Variants in CLTCL1 observed in about 807,000 individuals in gnomAD.
CLTCL1 encodes the protein clathrin heavy chain like 1, also known as clathrin heavy chain 2.
In CLTCL1, 159 loss-of-function variants were observed where a neutral mutation model predicts 190.0. That is an observed-to-expected ratio of 0.84 (90% CI 0.74 to 0.95). CLTCL1 has a LOEUF of 0.95. Ranked by LOEUF, CLTCL1 falls within the 40% of genes least tolerant of loss-of-function variation. CLTCL1 has a pLI of 0.00. For synonymous variants in CLTCL1, 752 were observed against 769.6 expected (o/e 0.98, Z 0.38); for missense variants, 1,878 against 2,033.4 (o/e 0.92, Z 1.47).
chr22:19,258,657 C>T (rs1268467043), intron 2 of CLTCL1: 13 of 640,900 alleles, frequency 2.0e-5, no homozygotes, highest in East Asian at 3.1e-5. Flanking sequence ...CACCTACCAC[C>T]GCCTGCTGGA....
intron 24 of CLTCL1, among the ~76,000 whole-genome samples, chr22:19,196,881 T>G (rs1391401437): frequency 6.6e-6 from 1 of 152,150 alleles, no homozygotes; most frequent in Non-Finnish European, 1.5e-5. Context: ...ACTACAATTT[T>G]CAAGTTTAGT....
At chr22:19,288,277 A>C (rs545662912) in intron 1 of CLTCL1, among the ~76,000 whole-genome samples, 1 of 152,154 alleles carries the variant, frequency 6.6e-6, no homozygotes, top group African/African-American at 2.4e-5. Context: ...ATTATTAGTT[A>C]TCATTGTTAA....
intron 22 of CLTCL1, among the ~76,000 whole-genome samples, chr22:19,202,533 C>A (rs1391938347): frequency 0.011 from 949 of 84,650 alleles, no homozygotes; most frequent in East Asian, 0.018. Context: ...CCTCCCCCAC[C>A]ACCCCTCCTT....
chr22:19,258,564 G>A, intron 2 of CLTCL1: 1 of 594,714 alleles, frequency 1.7e-6, no homozygotes, highest in South Asian at 1.5e-5. Context: ...GTCGGAGCTG[G>A]CACAGACCTG....
intron 10 of CLTCL1, 72 bp from the exon 11 acceptor site, chr22:19,230,047 T>A (rs910105414): frequency 2.8e-5 from 39 of 1,382,786 alleles, no homozygotes; most frequent in Non-Finnish European, 3.6e-5. Context: ...ATTGAAATAG[T>A]TCCTGAAATA....
At chr22:19,237,976 G>C (rs1555963012) in intron 5 of CLTCL1, among the ~76,000 whole-genome samples, 1 of 152,136 alleles carries the variant, frequency 6.6e-6, no homozygotes. Context: ...AAGGAGAGTA[G>C]ATTATATAAT....
At chr22:19,250,458 C>T (rs1159729247) in intron 3 of CLTCL1, among the ~76,000 whole-genome samples, 2 of 151,760 alleles carry the variant, frequency 1.3e-5, no homozygotes, top group African/African-American at 4.8e-5. Flanking sequence ...CCTGCCTGAG[C>T]CTCCCACGTA....
chr22:19,204,273 C>T (rs372314313), intron 22 of CLTCL1, among the ~76,000 whole-genome samples: 69 of 152,302 alleles, frequency 4.5e-4, no homozygotes, highest in African/African-American at 1.6e-3. Flanking sequence ...CTACTGCTCC[C>T]CAAGCCTCTC....
rs9617783 is a variant in CLTCL1 at position 19,273,052 on chromosome 22, C to T, written c.250+2571G>A. Among the ~76,000 whole-genome samples, 139 of 151,962 alleles carry T rather than the reference C, an allele frequency of 9.1e-4. 2 individuals are homozygous for T. In the East Asian group the frequency reaches 0.02, roughly 22 times the overall value. ...GTGAGATACAAGGTGCAGCACCCCCCCACACACCCTGTATTTCTGCACTGG... is the reference window on the plus strand; with the variant it reads ...GTGAGATACAAGGTGCAGCACCCCCTCACACACCCTGTATTTCTGCACTGG... On this transcript the variant is annotated intron_variant, in intron 2 of 32. Coordinates refer to ENST00000427926, the MANE Select transcript of CLTCL1 (RefSeq NM_007098.4).
chr22:19,201,243 C>T, intron 23 of CLTCL1, 86 bp downstream of exon 23: 1 of 1,437,958 alleles, frequency 7.0e-7, no homozygotes, highest in Non-Finnish European at 9.3e-7. Flanking sequence ...AGACCGGCAC[C>T]CAGAAGAGTA....
Position 19,210,520 on chromosome 22 carries a change from AG to A in CLTCL1, c.3066-12del, listed in dbSNP as rs1555946083. 1.2e-6 allele frequency: 2 copies of A among 1,606,662 alleles called. No individual in the cohort carries two copies. Among genetic ancestry groups the A allele is most frequent in the Admixed American group, 3.3e-5 (2 of 59,840 alleles). The stretch of plus-strand genomic sequence containing the variant: ...AGATTCTGTAGATTCCTGAGGAGAG[AG>A]GGTGGTCAGCACGGCATCCCAGGAA... On this transcript the variant is annotated splice_polypyrimidine_tract_variant and intron_variant, in intron 19 of 32. Coordinates refer to ENST00000427926, the MANE Select transcript of CLTCL1 (RefSeq NM_007098.4).
At chr22:19,260,790 A>G (rs2086919562) in intron 2 of CLTCL1, among the ~76,000 whole-genome samples, 1 of 151,148 alleles carries the variant, frequency 6.6e-6, no homozygotes, top group Admixed American at 6.6e-5. Context: ...AAAAAAAAAA[A>G]AAAAAAAAAA....
rs377048449 is a variant in CLTCL1, at chr22:19,208,190, A to T, written c.3564T>A (p.Asp1188Glu). 19 of 1,613,754 alleles carry T rather than the reference A, an allele frequency of 1.2e-5. No individual in the cohort carries two copies. The highest frequency in any genetic ancestry group is 1.5e-5 in the Non-Finnish European group (18 of 1,179,910). ...GGGCATTGTTGGGTCCATTAATAAAATCTTCTAGCTCAGAAACACGGCTGG... is the reference window on the plus strand; with the variant it reads ...GGGCATTGTTGGGTCCATTAATAAATTCTTCTAGCTCAGAAACACGGCTGG... ...AKTSRVSELE[D>E]FINGPNNAHI... The change falls in exon 22 of 33, where the codon GAT becomes GAA. Residue 1188 changes from aspartate to glutamate, a missense_variant. Coordinates refer to ENST00000427926, the MANE Select transcript of CLTCL1 (RefSeq NM_007098.4).
chr22:19,239,424 C>T, intron 4 of CLTCL1, 36 bp from the exon 5 acceptor site: 1 of 1,527,310 alleles, frequency 6.5e-7, no homozygotes, highest in Non-Finnish European at 9.1e-7. Flanking sequence ...AAGGGGACCG[C>T]CTGTGGTGGT....
chr22:19,182,514 G>T (rs1399869208), intron 30 of CLTCL1: 1 of 152,252 alleles, frequency 6.6e-6, no homozygotes, highest in African/African-American at 2.4e-5. Flanking sequence ...CTCTGGGATG[G>T]CCTTTATCAG....
At chr22:19,283,430 G>A (rs2087794164) in intron 1 of CLTCL1, among the ~76,000 whole-genome samples, 1 of 151,830 alleles carries the variant, frequency 6.6e-6, no homozygotes, top group African/African-American at 2.4e-5. Flanking sequence ...ACAGGTGTCC[G>A]CCACTGCACC....
intron 17 of CLTCL1, 142 bp from the exon 18 acceptor site, chr22:19,220,149 A>G: frequency 2.9e-6 from 3 of 1,019,480 alleles, no homozygotes; most frequent in Non-Finnish European, 4.5e-6. Context: ...ATGCTTTGAC[A>G]TGGGATGAGC....
At chr22:19,181,048 C>T in intron 30 of CLTCL1, 1 of 557,516 alleles carries the variant, frequency 1.8e-6, no homozygotes, top group South Asian at 2.2e-5. Context: ...GCCCCCAGAG[C>T]TTCCCAGTGG....
rs5748104 is a variant in CLTCL1, at chr22:19,290,503, G to A, written c.42+1097C>T. Among the ~76,000 whole-genome samples the A allele has an allele frequency of 6.2e-4, 94 of 152,268 alleles. 1 individual carries two copies. Among genetic ancestry groups the A allele is most frequent in the African/African-American group, 2.2e-3 (90 of 41,550 alleles). ...CTGGTGCTGGCTTAGCTTAGTGGCA[G>A]AATGAAGCCCGGACAGATGTCAGGG... On this transcript the variant is annotated intron_variant, in intron 1 of 32. Transcript: ENST00000427926.
Sources: allele counts gnomAD v4.1 joint callset (sites outside exome capture counted in the v4.1 genomes callset), GRCh38; gene constraint gnomAD v4.1.1; transcripts MANE v1.5; gene names NCBI Gene and HGNC (gene_info 2026-07-23, HGNC 2026-07-21).